Variants in STAG1 observed in about 807,000 individuals in gnomAD.
STAG1 encodes cohesin subunit SA-1.
STAG1 carries 26 observed loss-of-function variants against 170.9 expected under a neutral mutation model. That is an observed-to-expected ratio of 0.15 (90% confidence interval 0.11 to 0.21). STAG1 has a LOEUF of 0.21. Ranked by LOEUF, STAG1 falls within the 10% of genes least tolerant of loss-of-function variation. STAG1 has a pLI of 1.00. For synonymous variants in STAG1, 514 were observed against 497.7 expected (o/e 1.03, Z -0.44); for missense variants, 964 against 1,509.5 (o/e 0.64, Z 5.99).
chr3:136,524,612 GC>G (rs1934893194), intron 6 of STAG1, among the ~76,000 whole-genome samples: 1 of 152,112 alleles, frequency 6.6e-6, no homozygotes. Flanking sequence ...GACTGCCCTG[GC>G]CAGAACTTCC....
intron 5 of STAG1, among the ~76,000 whole-genome samples, chr3:136,548,751 C>A (rs563300790): frequency 6.6e-6 from 1 of 152,088 alleles, no homozygotes; most frequent in Non-Finnish European, 1.5e-5. Flanking sequence ...TGGTTTGGGT[C>A]TGTGTCCCCA....
chr3:136,347,373 G>A (rs1363259439), intron 29 of STAG1, among the ~76,000 whole-genome samples: 3 of 140,600 alleles, frequency 2.1e-5, no homozygotes, highest in Non-Finnish European at 4.6e-5. Flanking sequence ...TCCAGCCTGG[G>A]TGACAGAGGG....
chr3:136,731,039 C>T (rs1182820585), intron 1 of STAG1, among the ~76,000 whole-genome samples: 1 of 152,130 alleles, frequency 6.6e-6, no homozygotes, highest in Non-Finnish European at 1.5e-5. Context: ...CTTTAAGAAC[C>T]ACTGGGCTAT....
chr3:136,584,311 G>C (rs1387275517), intron 4 of STAG1, among the ~76,000 whole-genome samples: 1 of 152,112 alleles, frequency 6.6e-6, no homozygotes, highest in Non-Finnish European at 1.5e-5. Flanking sequence ...AAACCTCCTT[G>C]GCCCTTATCT....
In STAG1 at chr3:136,621,006, T is replaced by C. The variant is rs371764588; in HGVS notation, c.132+2140A>G. ...AGCTGGGTGTGGTGGCGCACGCCTG[T>C]AGTCCCAGCTACTCAGGAGGCTGAG... On this transcript the variant is annotated intron_variant, in intron 3 of 33. Transcript: ENST00000383202. Among the ~76,000 whole-genome samples, 15 of 152,264 alleles carry C rather than the reference T, an allele frequency of 9.9e-5. No individual in the cohort carries two copies. The East Asian group carries it at 2.7e-3, about 27-fold the overall frequency.
rs1559959338 is a variant in STAG1, at chr3:136,700,881, T to TTC, written c.-84+51313_-84+51314insGA. The stretch of plus-strand genomic sequence containing the variant: ...GTGTGTGCTCTATTTTTTTTCTTTT[T>TTC]TTTTTTTTTTTTTTTTTTGAGATGG... On this transcript the variant is annotated intron_variant, in intron 1 of 33. Transcript: ENST00000383202. Among the ~76,000 whole-genome samples, 4 of 132,942 alleles carry TTC rather than the reference T, an allele frequency of 3.0e-5. No homozygotes were observed. In the East Asian group the frequency reaches 8.3e-4, roughly 27 times the overall value. 87.2% of individuals were successfully genotyped at this position (132,942 alleles called of 152,430 possible). A position where few individuals can be genotyped will look rare whatever the true frequency, so the allele number is the denominator to read the frequency against.
At position 136,475,555 on chromosome 3, in the gene STAG1, G is replaced by A. The variant is rs1288946093; in HGVS notation, c.1026+1734C>T. 2.0e-5 allele frequency among the ~76,000 whole-genome samples: 3 copies of A among 152,250 alleles called. No homozygotes were observed. The East Asian group carries it at 5.8e-4, about 29-fold the overall frequency. ...ATCTATGAGAGCTGGAACCAAGAGT[G>A]GTCCTGGGAATCAGACTTCAATAAT... is the stretch of plus-strand genomic sequence containing the variant. On this transcript the variant is annotated intron_variant, in intron 10 of 33. Coordinates refer to ENST00000383202, the MANE Select transcript of STAG1 (RefSeq NM_005862.3).
intron 10 of STAG1, among the ~76,000 whole-genome samples, chr3:136,475,476 G>T (rs1016319382): frequency 6.6e-6 from 1 of 152,036 alleles, no homozygotes; most frequent in Non-Finnish European, 1.5e-5. Flanking sequence ...TACAAACCTC[G>T]CAACATCACC....
chr3:136,728,426 A>G (rs1158740875), intron 1 of STAG1, among the ~76,000 whole-genome samples: 3 of 152,228 alleles, frequency 2.0e-5, no homozygotes, highest in African/African-American at 4.8e-5. Context: ...CCAGACTGCC[A>G]GAGTCTGAAT....
chr3:136,529,111 C>G (rs1263830872), intron 6 of STAG1, among the ~76,000 whole-genome samples: 1 of 152,034 alleles, frequency 6.6e-6, no homozygotes, highest in East Asian at 1.9e-4. Flanking sequence ...TGAAATAATT[C>G]AGCCAGACAA....
intron 8 of STAG1, among the ~76,000 whole-genome samples, chr3:136,502,115 T>C (rs1404464754): frequency 6.6e-6 from 1 of 151,728 alleles, no homozygotes; most frequent in Non-Finnish European, 1.5e-5. Flanking sequence ...GAGGTGGAGG[T>C]TGCGGTGAGT....
chr3:136,359,391 A>C (rs1212418909), intron 26 of STAG1, 95 bp from the exon 27 acceptor site: 1 of 860,850 alleles, frequency 1.2e-6, no homozygotes, highest in Non-Finnish European at 1.7e-6. Flanking sequence ...AAAAGGTATA[A>C]GGTGAAATGT....
At chr3:136,415,359 AT>A (rs1335099914) in intron 21 of STAG1, among the ~76,000 whole-genome samples, 1 of 152,204 alleles carries the variant, frequency 6.6e-6, no homozygotes, top group Non-Finnish European at 1.5e-5. Flanking sequence ...TATAGCTAAT[AT>A]AATCTCCCCA....
chr3:136,546,226 T>G (rs192661923), intron 5 of STAG1, among the ~76,000 whole-genome samples: 23 of 152,306 alleles, frequency 1.5e-4, no homozygotes, highest in Non-Finnish European at 3.1e-4. Context: ...ACGTAAGACT[T>G]AGAAGAAATG....
chr3:136,549,297 G>A (rs1183959771), intron 5 of STAG1, among the ~76,000 whole-genome samples: 1 of 151,792 alleles, frequency 6.6e-6, no homozygotes, highest in Non-Finnish European at 1.5e-5. Context: ...CATTTTTGTG[G>A]AATAATCAGT....
intron 2 of STAG1, 26 bp downstream of exon 2, chr3:136,630,844 A>T (rs775732754): frequency 1.9e-5 from 28 of 1,496,718 alleles, no homozygotes; most frequent in African/African-American, 5.6e-5. Context: ...TAAAAAATAT[A>T]AAAAAAAGAA....
intron 1 of STAG1, among the ~76,000 whole-genome samples, chr3:136,729,513 C>T (rs1933878889): frequency 6.6e-6 from 1 of 151,642 alleles, no homozygotes. Flanking sequence ...TAACAATTAC[C>T]CTAATTTTGA....
intron 5 of STAG1, among the ~76,000 whole-genome samples, chr3:136,563,489 C>T (rs1936923333): frequency 6.6e-6 from 1 of 151,886 alleles, no homozygotes; most frequent in South Asian, 2.1e-4. Flanking sequence ...TCCCTCACCT[C>T]AATTCCCTCT....
intron 18 of STAG1, 24 bp from the exon 19 acceptor site, chr3:136,422,637 CTG>C: frequency 6.3e-7 from 1 of 1,597,254 alleles, no homozygotes; most frequent in Non-Finnish European, 8.5e-7. Context: ...AAAAGAAAAA[CTG>C]TAATATTTAG....
Sources: allele counts gnomAD v4.1 joint callset (sites outside exome capture counted in the v4.1 genomes callset), GRCh38; gene constraint gnomAD v4.1.1; transcripts MANE v1.5; gene names NCBI Gene and HGNC (gene_info 2026-07-23, HGNC 2026-07-21).